The following ARNT2 variants were observed in gnomAD, a reference collection of about 807,000 sequenced individuals.
ARNT2 encodes ARNT protein 2.
A neutral mutation model predicts 91.7 loss-of-function variants in ARNT2; 36 were observed. The ratio of observed to expected loss-of-function variants is 0.39; its 90% CI spans 0.30 to 0.52. The LOEUF (loss-of-function observed/expected upper bound fraction) is 0.52, where lower values mean the gene tolerates loss of function less well. ARNT2 is among the 20% of genes least tolerant of loss of function. The pLI, the probability that ARNT2 is intolerant of heterozygous loss-of-function variation, is 0.72. For missense variants in ARNT2, 775 were observed against 939.3 expected, an observed-to-expected ratio of 0.83 and a Z score of 2.29; for synonymous variants, 365 against 347.1, an observed-to-expected ratio of 1.05 and a Z score of -0.57.
intron 8 of ARNT2, 37 bp downstream of exon 8, chr15:80,514,442 G>A (rs755239917): frequency 1.3e-5 from 20 of 1,583,112 alleles, no homozygotes; most frequent in Non-Finnish European, 1.7e-5. Flanking sequence ...CGGGAACTGG[G>A]TGCTGCTCAT....
intron 5 of ARNT2, among the ~76,000 whole-genome samples, chr15:80,478,011 C>T (rs745873125): frequency 1.3e-5 from 2 of 152,168 alleles, no homozygotes; most frequent in Non-Finnish European, 2.9e-5. Context: ...TCTTGTAAAA[C>T]AGCGATGCTG....
chr15:80,422,478 T>G lies in ARNT2; in HGVS notation c.31+17932T>G, dbSNP rs180788363. On this transcript the variant is annotated intron_variant, in intron 1 of 18. Coordinates refer to ENST00000303329, the MANE Select transcript of ARNT2 (RefSeq NM_014862.4). The stretch of plus-strand genomic sequence containing the variant: ...AATTCTATACTTAGACAATTTATCT[T>G]TTAAGAATGAGGAGATAAAACATTT... 5.9e-5 allele frequency among the ~76,000 whole-genome samples: 9 copies of G among 152,312 alleles called. No individual in the cohort carries two copies. In the East Asian group the frequency reaches 7.7e-4, roughly 13 times the overall value.
In ARNT2 at chr15:80,544,835, C is replaced by T. The variant is rs139161712; in HGVS notation, c.878-6364C>T. ...TGATGGAAGGATGTTTGTCCCAGAA[C>T]GGAAAAGACTCAGAAACTCAGTCAT... On this transcript the variant is annotated intron_variant, in intron 8 of 18. Transcript: ENST00000303329. Among the ~76,000 whole-genome samples the T allele has an allele frequency of 3.9e-5, 6 of 152,246 alleles. No individual in the cohort carries two copies. In the East Asian group the frequency reaches 5.8e-4, roughly 15 times the overall value.
At chr15:80,529,506 T>A (rs1221857966) in intron 8 of ARNT2, among the ~76,000 whole-genome samples, 1 of 151,420 alleles carries the variant, frequency 6.6e-6, no homozygotes, top group Admixed American at 6.6e-5. Context: ...CCTGTTTTTC[T>A]TTTCTTTTTT....
chr15:80,584,450 T>G (rs1898855620), intron 17 of ARNT2, among the ~76,000 whole-genome samples: 1 of 151,914 alleles, frequency 6.6e-6, no homozygotes, highest in African/African-American at 2.4e-5. Flanking sequence ...GGGTTGTTCG[T>G]TAGTGAGGAT....
intron 1 of ARNT2, among the ~76,000 whole-genome samples, chr15:80,409,368 A>T (rs545296680): frequency 1.4e-4 from 21 of 151,804 alleles, no homozygotes; most frequent in Non-Finnish European, 2.8e-4. Context: ...ACTTAATAAT[A>T]TGCATTTACA....
In ARNT2 at chr15:80,595,515, G is replaced by A. The variant is rs562278980; in HGVS notation, c.*1817G>A. ...TCCACATTAAACCCCAGCCCTGTCT[G>A]GCCAGGGAGATCCATGTGCTCAATG... On this transcript the variant is annotated 3_prime_UTR_variant, in exon 19 of 19. Coordinates refer to ENST00000303329, the MANE Select transcript of ARNT2 (RefSeq NM_014862.4). 6.6e-6 allele frequency: 1 copy of A among 152,354 alleles called. No homozygotes were observed. The highest frequency in any genetic ancestry group is 1.9e-4 in the East Asian group (1 of 5,190). 9.4% of individuals were successfully genotyped at this position (152,354 alleles called of 1,614,324 possible). A position where few individuals can be genotyped will look rare whatever the true frequency, so the allele number is the denominator to read the frequency against.
At chr15:80,428,355 A>G (rs1895961267) in intron 1 of ARNT2, among the ~76,000 whole-genome samples, 1 of 152,236 alleles carries the variant, frequency 6.6e-6, no homozygotes, top group Admixed American at 6.5e-5. Flanking sequence ...TGTGGTGCAT[A>G]ATTTACAGAT....
At chr15:80,580,778 G>A (rs1898781164) in intron 16 of ARNT2, among the ~76,000 whole-genome samples, 1 of 152,188 alleles carries the variant, frequency 6.6e-6, no homozygotes, top group African/African-American at 2.4e-5. Flanking sequence ...CATGCCCTGA[G>A]GCAGCTGGCA....
rs143091465 is a variant in ARNT2, at chr15:80,503,363, A to G, written c.623-4793A>G. Among the ~76,000 whole-genome samples, 524 of 152,350 alleles carry G rather than the reference A, an allele frequency of 3.4e-3. 1 individual carries two copies. The highest frequency in any genetic ancestry group is 6.5e-3 in the Non-Finnish European group (439 of 68,032). On this transcript the variant is annotated intron_variant, in intron 5 of 18. Coordinates refer to ENST00000303329, the MANE Select transcript of ARNT2 (RefSeq NM_014862.4). Reference sequence around the variant, plus strand: ...TTGCAGGAACACACCTACTCTATGAAGTCAGGCATGCTTTCAGAGGAGCCT... The same window carrying G: ...TTGCAGGAACACACCTACTCTATGAGGTCAGGCATGCTTTCAGAGGAGCCT...
At chr15:80,572,307 G>A (rs1238395551) in intron 12 of ARNT2, among the ~76,000 whole-genome samples, 1 of 152,044 alleles carries the variant, frequency 6.6e-6, no homozygotes, top group Non-Finnish European at 1.5e-5. Context: ...TTCTCACCAA[G>A]CCTGTGCTTT....
At chr15:80,478,253 C>T (rs1896835551) in intron 5 of ARNT2, among the ~76,000 whole-genome samples, 1 of 152,218 alleles carries the variant, frequency 6.6e-6, no homozygotes, top group South Asian at 2.1e-4. Flanking sequence ...CTTTTGGAAA[C>T]CCAGTCTGGA....
intron 8 of ARNT2, among the ~76,000 whole-genome samples, chr15:80,517,909 A>G (rs1273914529): frequency 2.0e-5 from 3 of 152,076 alleles, no homozygotes; most frequent in Admixed American, 6.5e-5. Flanking sequence ...CATATTGTCT[A>G]CGTTTTCCAT....
chr15:80,595,596 C>T lies in ARNT2; in HGVS notation c.*1898C>T, dbSNP rs757317621. The T allele has an allele frequency of 8.5e-5, 13 of 152,252 alleles. No individual in the cohort carries two copies. Among genetic ancestry groups the T allele is most frequent in the Non-Finnish European group, 1.8e-4 (12 of 68,060 alleles). 9.4% of individuals were successfully genotyped at this position (152,252 alleles called of 1,614,324 possible). A position where few individuals can be genotyped will look rare whatever the true frequency, so the allele number is the denominator to read the frequency against. On this transcript the variant is annotated 3_prime_UTR_variant, in exon 19 of 19. Transcript: ENST00000303329. Reference sequence around the variant, plus strand: ...GCTCAGTAAAATGCCTTTGGCTGGTCGCCAGCTGTGCATGACTGCAGTTCC... The same window carrying T: ...GCTCAGTAAAATGCCTTTGGCTGGTTGCCAGCTGTGCATGACTGCAGTTCC...
At chr15:80,550,567 C>A (rs1408947958) in intron 8 of ARNT2, among the ~76,000 whole-genome samples, 1 of 152,190 alleles carries the variant, frequency 6.6e-6, no homozygotes, top group Non-Finnish European at 1.5e-5. Flanking sequence ...ATACCAGACC[C>A]ACATTGGACC....
At chr15:80,446,596 C>T (rs1266125228) in intron 1 of ARNT2, among the ~76,000 whole-genome samples, 2 of 152,224 alleles carry the variant, frequency 1.3e-5, no homozygotes, top group African/African-American at 4.8e-5. Flanking sequence ...CACGTAAGAG[C>T]CTGCTCTGCC....
intron 12 of ARNT2, among the ~76,000 whole-genome samples, chr15:80,570,939 C>T (rs1898572765): frequency 6.6e-6 from 1 of 152,190 alleles, no homozygotes. Context: ...GGGTTCCCTT[C>T]AAGGAGGCCT....
chr15:80,525,703 G>A lies in ARNT2; in HGVS notation c.877+11298G>A, dbSNP rs372900660. ...CCAGAAATCTTTTAAGATGGTAGAG[G>A]CAATCATCTAGCTTAGATGAGTTAG... is the stretch of plus-strand genomic sequence containing the variant. On this transcript the variant is annotated intron_variant, in intron 8 of 18. Transcript: ENST00000303329. 7.2e-5 allele frequency among the ~76,000 whole-genome samples: 11 copies of A among 152,258 alleles called. No homozygotes were observed. The East Asian group carries it at 9.6e-4, about 13-fold the overall frequency.
intron 3 of ARNT2, 130 bp downstream of exon 3, chr15:80,458,106 TG>T: frequency 1.0e-6 from 1 of 956,766 alleles, no homozygotes; most frequent in Admixed American, 2.3e-5. Flanking sequence ...TCCCTCACTC[TG>T]TGGCAGTATT....
Sources: gnomAD v4.1 joint callset for allele counts (sites outside exome capture counted in the v4.1 genomes callset) on GRCh38, gnomAD v4.1.1 for gene constraint, MANE v1.5 for transcripts, NCBI Gene and HGNC (gene_info 2026-07-23, HGNC 2026-07-21) for gene names.